ZNF486: variants seen among roughly 807,000 people sequenced by gnomAD.
ZNF486 encodes KRAB box only protein 2.
ZNF486 carries 12 observed loss-of-function variants against 12.8 expected under a neutral mutation model. That is an observed-to-expected ratio of 0.94 (90% confidence interval 0.60 to 1.52). The LOEUF (loss-of-function observed/expected upper bound fraction) is 1.52. ZNF486 is among the 40% of genes most tolerant of loss of function. The pLI is 0.00. For synonymous variants in ZNF486, 231 were observed against 184.9 expected, an observed-to-expected ratio of 1.25 and a Z score of -2.02; for missense variants, 738 against 545.0, an observed-to-expected ratio of 1.35 and a Z score of -3.53.
At chr19:20,184,063 T>G (rs1319829206) in intron 1 of ZNF486, among the ~76,000 whole-genome samples, 2 of 152,208 alleles carry the variant, frequency 1.3e-5, no homozygotes, top group Admixed American at 6.5e-5. Context: ...TTCTGTATGA[T>G]GTAAATATAG....
intron 1 of ZNF486, among the ~76,000 whole-genome samples, chr19:20,178,173 C>A (rs1555715102): frequency 1.3e-5 from 2 of 152,038 alleles, no homozygotes; most frequent in Non-Finnish European, 2.9e-5. Flanking sequence ...GGTGATCCAC[C>A]CGCCTAGGCC....
rs376572904 is a variant in ZNF486 at position 20,194,829 on chromosome 19, T to C, written c.254-2135T>C. Among the ~76,000 whole-genome samples the C allele has an allele frequency of 1.6e-4, 24 of 152,354 alleles. 1 individual carries two copies. The East Asian group carries it at 4.4e-3, about 28-fold the overall frequency. ...AAATTCTATTCTTATATGTGATTTTTGAAATTTTGCTTATATATGTGTTTG... is the reference window on the plus strand; with the variant it reads ...AAATTCTATTCTTATATGTGATTTTCGAAATTTTGCTTATATATGTGTTTG... On this transcript the variant is annotated intron_variant, in intron 3 of 3. Transcript: ENST00000335117.
chr19:20,186,995 G>GGTT (rs1555716565), intron 3 of ZNF486, among the ~76,000 whole-genome samples: 2 of 151,736 alleles, frequency 1.3e-5, no homozygotes, highest in African/African-American at 4.8e-5. Flanking sequence ...ATGTTGGCCA[G>GGTT]GCTGGTCTTG....
At chr19:20,195,416 C>T (rs1312931950) in intron 3 of ZNF486, among the ~76,000 whole-genome samples, 1 of 152,124 alleles carries the variant, frequency 6.6e-6, no homozygotes, top group South Asian at 2.1e-4. Context: ...TATTTTCCCA[C>T]CTTGATCTTC....
At chr19:20,167,875 T>C (rs1183699351) in intron 1 of ZNF486, among the ~76,000 whole-genome samples, 1 of 151,880 alleles carries the variant, frequency 6.6e-6, no homozygotes, top group African/African-American at 2.4e-5. Flanking sequence ...AAGACTCAAC[T>C]TCCTGATCAG....
intron 1 of ZNF486, among the ~76,000 whole-genome samples, chr19:20,180,868 T>C (rs1390681105): frequency 6.6e-6 from 1 of 152,210 alleles, no homozygotes; most frequent in Non-Finnish European, 1.5e-5. Context: ...TACATATTGA[T>C]TTTCTAATAA....
rs782425881 is a variant in ZNF486 at position 20,184,472 on chromosome 19, G to A, written c.147G>A (p.Leu49=). 1 of 1,608,840 alleles carries A rather than the reference G, an allele frequency of 6.2e-7. No homozygotes were observed. The highest frequency in any genetic ancestry group is 1.7e-5 in the Admixed American group (1 of 58,974). Reference sequence around the variant, plus strand: ...TGATGTTAGAGAACTACAGACACCTGGTCTTCCTTGGTGAGGATAACTTAA... The same window carrying A: ...TGATGTTAGAGAACTACAGACACCTAGTCTTCCTTGGTGAGGATAACTTAA... The part of the protein sequence containing the change: ...RDVMLENYRH[L]VFLGIIVSKP... Residue 49 remains leucine, a synonymous_variant, in exon 2 of 4, where the codon CTG becomes CTA. Transcript: ENST00000335117.
At chr19:20,167,740 T>A (rs1170746707) in intron 1 of ZNF486, among the ~76,000 whole-genome samples, 2 of 152,132 alleles carry the variant, frequency 1.3e-5, no homozygotes, top group African/African-American at 4.8e-5. Flanking sequence ...GTTTCTCTTT[T>A]CTTTTGTTAA....
rs1235151787 is a variant in ZNF486 at position 20,199,470 on chromosome 19, C to G, written c.*1368C>G. The G allele has an allele frequency of 6.6e-6, 1 of 152,220 alleles. No homozygotes were observed. Among genetic ancestry groups the G allele is most frequent in the East Asian group, 1.9e-4 (1 of 5,186 alleles). The allele number at this position is 152,220 out of a possible 1,614,324, so 9.4% of individuals were successfully genotyped here. On this transcript the variant is annotated 3_prime_UTR_variant, in exon 4 of 4. Transcript: ENST00000335117. ...TTGTGGCTGGGCACAGTGGCTCATG[C>G]CTGTAATCCCAGCACTTTGGGAGGC... is the stretch of plus-strand genomic sequence containing the variant.
intron 3 of ZNF486, among the ~76,000 whole-genome samples, chr19:20,195,954 A>T (rs1555717869): frequency 6.6e-6 from 1 of 152,218 alleles, no homozygotes; most frequent in Non-Finnish European, 1.5e-5. Flanking sequence ...CCTAGAAGAC[A>T]AATAAAGATG....
intron 1 of ZNF486, among the ~76,000 whole-genome samples, chr19:20,170,951 G>T (rs572887283): frequency 1.3e-5 from 2 of 152,248 alleles, no homozygotes; most frequent in African/African-American, 2.4e-5. Context: ...CTTCAGGAAG[G>T]TTTCAGGAGT....
intron 1 of ZNF486, among the ~76,000 whole-genome samples, chr19:20,172,843 C>T (rs1310399423): frequency 3.3e-5 from 5 of 151,584 alleles, no homozygotes; most frequent in Middle Eastern, 3.4e-3. Context: ...AGGTTTCACC[C>T]TGTTGGTCAG....
intron 1 of ZNF486, among the ~76,000 whole-genome samples, chr19:20,178,731 T>C (rs926898156): frequency 6.6e-6 from 1 of 152,206 alleles, no homozygotes; most frequent in South Asian, 2.1e-4. Context: ...CTCTATTTGT[T>C]ATCTATAGTC....
intron 1 of ZNF486, among the ~76,000 whole-genome samples, chr19:20,174,274 G>A (rs1243747579): frequency 6.6e-6 from 1 of 152,194 alleles, no homozygotes; most frequent in Non-Finnish European, 1.5e-5. Flanking sequence ...GAACAGTGGA[G>A]TCTGTAGTTG....
chr19:20,181,557 G>A (rs1195865016), intron 1 of ZNF486, among the ~76,000 whole-genome samples: 3 of 137,278 alleles, frequency 2.2e-5, no homozygotes, highest in Admixed American at 1.4e-4. Flanking sequence ...AAAAAAAAAA[G>A]GGAAAAATAA....
chr19:20,195,973 A>G (rs949140085), intron 3 of ZNF486, among the ~76,000 whole-genome samples: 1 of 152,228 alleles, frequency 6.6e-6, no homozygotes, highest in Non-Finnish European at 1.5e-5. Flanking sequence ...TGTATGTGCC[A>G]ATGTTTCTTG....
intron 1 of ZNF486, among the ~76,000 whole-genome samples, chr19:20,173,604 G>T (rs1237983951): frequency 6.6e-6 from 1 of 152,140 alleles, no homozygotes; most frequent in Non-Finnish European, 1.5e-5. Flanking sequence ...GCTGAGGTGG[G>T]TGGATCACGA....
intron 1 of ZNF486, among the ~76,000 whole-genome samples, chr19:20,168,780 A>C (rs1276119846): frequency 6.6e-6 from 1 of 152,256 alleles, no homozygotes; most frequent in African/African-American, 2.4e-5. Flanking sequence ...CATGGAAATT[A>C]AAGCTTGAAC....
At chr19:20,182,645 G>A (rs1459235361) in intron 1 of ZNF486, among the ~76,000 whole-genome samples, 1 of 151,960 alleles carries the variant, frequency 6.6e-6, no homozygotes, top group Admixed American at 6.6e-5. Context: ...GAAATTGCTG[G>A]TGTCTGTGGC....
Sources: allele counts gnomAD v4.1 joint callset (sites outside exome capture counted in the v4.1 genomes callset), GRCh38; gene constraint gnomAD v4.1.1; transcripts MANE v1.5; gene names NCBI Gene and HGNC (gene_info 2026-07-23, HGNC 2026-07-21).